The following PITPNM1 variants were observed in gnomAD, a reference collection of about 807,000 sequenced individuals.
PITPNM1 encodes the protein phosphatidylinositol transfer protein membrane associated 1.
PITPNM1 carries 74 observed loss-of-function variants against 133.3 expected under a neutral mutation model. That is an observed-to-expected ratio of 0.56 (90% CI 0.46 to 0.67). The LOEUF (loss-of-function observed/expected upper bound fraction) is 0.67. Among genes scored for constraint, PITPNM1 ranks in the 30% least tolerant of loss-of-function variants. PITPNM1 has a pLI of 0.00. For synonymous variants in PITPNM1, 738 were observed against 741.4 expected, an observed-to-expected ratio of 1.00 and a Z score of 0.08; for missense variants, 1,398 against 1,739.5, an observed-to-expected ratio of 0.80 and a Z score of 3.49.
chr11:67,504,038 G>A lies in PITPNM1; in HGVS notation c.78+65C>T. Reference sequence around the variant, plus strand: ...GCTCCCAGCCGGTCCCAGCCCCGGGGCAGGGCTGGCGGGGTCGGCAGGGCT... The same window carrying A: ...GCTCCCAGCCGGTCCCAGCCCCGGGACAGGGCTGGCGGGGTCGGCAGGGCT... On this transcript the variant is annotated intron_variant, in intron 2 of 23. Transcript: ENST00000356404. The surrounding 1 kb of genome is among the most constrained non-coding windows in gnomAD (Gnocchi z 5.4). 2 of 1,300,532 alleles carry A rather than the reference G, an allele frequency of 1.5e-6. No individual in the cohort carries two copies. Among genetic ancestry groups the A allele is most frequent in the African/African-American group, 1.5e-5 (1 of 67,786 alleles). The allele number at this position is 1,300,532 out of a possible 1,614,324, so 80.6% of individuals were successfully genotyped here. A position where few individuals can be genotyped will look rare whatever the true frequency, so the allele number is the denominator to read the frequency against.
In PITPNM1 at chr11:67,498,657, C is replaced by A; in HGVS notation, c.1423G>T (p.Val475Leu). ...RIHFPEALGHVALRLVPCPPI... is the reference protein window; with the variant it reads ...RIHFPEALGHLALRLVPCPPI... Reference sequence around the variant, plus strand: ...GGACAGGGCACCAGTCGCAGCGCCACGTGGCCCAAGGCCTCAGGGAAGTGG... The same window carrying A: ...GGACAGGGCACCAGTCGCAGCGCCAAGTGGCCCAAGGCCTCAGGGAAGTGG... The change falls in exon 10 of 24, where the codon GTG becomes TTG. Residue 475 changes from valine (V) to leucine (L), a missense_variant. By Grantham distance (32) the Val-to-Leu change is conservative (BLOSUM62 1). Around this residue, in one of 5 missense-constraint regions of PITPNM1, gnomAD observed 574 missense variants for 698.7 expected, o/e 0.82. Transcript: ENST00000356404. This position sits in a 1 kb window ranked among gnomAD's most constrained non-coding sequence, Gnocchi z 5.7. 6.2e-7 allele frequency: 1 copy of A among 1,600,800 alleles called. No individual in the cohort carries two copies. Among genetic ancestry groups the A allele is most frequent in the Non-Finnish European group, 8.5e-7 (1 of 1,179,920 alleles).
chr11:67,501,156 A>G (rs1866311049), intron 5 of PITPNM1, among the ~76,000 whole-genome samples: 1 of 152,250 alleles, frequency 6.6e-6, no homozygotes, highest in East Asian at 1.9e-4. Flanking sequence ...GTAATTAGCC[A>G]TGGGTCTGTG....
rs765533186 is a variant in PITPNM1, at chr11:67,497,685, T to G, written c.1783-6A>C. 6.2e-7 allele frequency: 1 copy of G among 1,609,106 alleles called. No individual in the cohort carries two copies. The highest frequency in any genetic ancestry group is 1.1e-5 in the South Asian group (1 of 90,632). ...GGAGAGAGCAGCTCATTGTTCTGGA[T>G]GGAACAGGAGACAGAAACATTCTTA... On this transcript the variant is annotated splice_region_variant and splice_polypyrimidine_tract_variant and intron_variant, in intron 12 of 23. Coordinates refer to ENST00000356404, the MANE Select transcript of PITPNM1 (RefSeq NM_004910.3).
intron 15 of PITPNM1, 71 bp from the exon 16 acceptor site, chr11:67,495,673 C>G (rs17847842): frequency 1.4e-6 from 2 of 1,389,826 alleles, no homozygotes; most frequent in African/African-American, 2.9e-5. Context: ...CAGGGCTCCC[C>G]GCACCTCTGC....
Position 67,493,534 on chromosome 11 carries a change from T to G in PITPNM1, c.3218A>C (p.Lys1073Thr). 1 of 1,583,546 alleles carries G rather than the reference T, an allele frequency of 6.3e-7. No homozygotes were observed. The highest frequency in any genetic ancestry group is 8.6e-7 in the Non-Finnish European group (1 of 1,165,090). ...CGACAGCCATGCCACCACGCGGTGCTTCTGCATATCCGGCCGGCCTGTGAC... is the reference window on the plus strand; with the variant it reads ...CGACAGCCATGCCACCACGCGGTGCGTCTGCATATCCGGCCGGCCTGTGAC... ...VYVTGRPDMQKHRVVAWLSQH... is the reference protein window; with the variant it reads ...VYVTGRPDMQTHRVVAWLSQH... Residue 1073 changes from lysine (K) to threonine (T), a missense_variant, in exon 22 of 24, where the codon AAG (lysine) becomes ACG (threonine). Transcript: ENST00000356404.
chr11:67,501,728 C>G, intron 5 of PITPNM1, 134 bp downstream of exon 5: 1 of 766,582 alleles, frequency 1.3e-6, no homozygotes, highest in East Asian at 2.7e-5. Context: ...CGCTTCTGCC[C>G]TAGTGCTCCC....
chr11:67,493,758 A>T lies in PITPNM1; in HGVS notation c.3088T>A (p.Ser1030Thr). 5.2e-6 allele frequency: 8 copies of T among 1,549,024 alleles called. No homozygotes were observed. The highest frequency in any genetic ancestry group is 7.0e-6 in the Non-Finnish European group (8 of 1,147,534). The part of the protein sequence containing the change: ...TEAVVFSIDG[S>T]FTASVSIMGS... ...ATGATGGAGACGCTGGCGGTGAAGG[A>T]GCCGTCGATGCTGAAGACCACAGCC... The change falls in exon 21 of 24, where the codon TCC (serine) becomes ACC (threonine). Residue 1030 changes from serine to threonine, a missense_variant. By Grantham distance (58) the Ser-to-Thr change is moderately conservative. Coordinates refer to ENST00000356404, the MANE Select transcript of PITPNM1 (RefSeq NM_004910.3).
At chr11:67,493,198 G>A in intron 22 of PITPNM1, 136 bp from the exon 23 acceptor site, 1 of 1,182,776 alleles carries the variant, frequency 8.5e-7, no homozygotes, top group Non-Finnish European at 1.2e-6. Flanking sequence ...AGTCCCACGG[G>A]GACAGGGGCG....
intron 2 of PITPNM1, among the ~76,000 whole-genome samples, chr11:67,503,085 T>C (rs945487812): frequency 6.6e-6 from 1 of 152,176 alleles, no homozygotes; most frequent in Non-Finnish European, 1.5e-5. Flanking sequence ...GCAAATTATG[T>C]GGTGTGTTAG....
chr11:67,501,820 G>T, intron 5 of PITPNM1, 42 bp downstream of exon 5: 1 of 1,546,166 alleles, frequency 6.5e-7, no homozygotes, highest in Non-Finnish European at 8.9e-7. Context: ...TGGGGTCTGG[G>T]GCATGCTGGG....
intron 18 of PITPNM1, 90 bp downstream of exon 18, chr11:67,494,756 G>GA: frequency 1.3e-6 from 1 of 771,834 alleles, no homozygotes; most frequent in Admixed American, 1.9e-5. Context: ...AGGACCCGAG[G>GA]AGGGGGGTGC....
rs200936467 is a variant in PITPNM1 at position 67,504,076 on chromosome 11, C to G, written c.78+27G>C. On this transcript the variant is annotated intron_variant, in intron 2 of 23. Coordinates refer to ENST00000356404, the MANE Select transcript of PITPNM1 (RefSeq NM_004910.3). This position sits in a 1 kb window ranked among gnomAD's most constrained non-coding sequence, Gnocchi z 5.4. The stretch of plus-strand genomic sequence containing the variant: ...GGTCGGCAGGGCTCCACCCCTTGCC[C>G]GGGTGCCCTCTCCCCGCCGCCCTCA... The G allele has an allele frequency of 8.9e-5, 139 of 1,560,954 alleles. No individual in the cohort carries two copies. In the African/African-American group the frequency reaches 1.6e-3, roughly 18 times the overall value.
At position 67,501,551 on chromosome 11, in the gene PITPNM1, C is replaced by T. The variant is rs116834593; in HGVS notation, c.640+311G>A. On this transcript the variant is annotated intron_variant, in intron 5 of 23. Transcript: ENST00000356404. ...TCCTTAGCATGCTGCCAGTTAGAGCCGGTGACCTTCCTGAGTGTCTCTAAG... is the reference window on the plus strand; with the variant it reads ...TCCTTAGCATGCTGCCAGTTAGAGCTGGTGACCTTCCTGAGTGTCTCTAAG... Among the ~76,000 whole-genome samples, 6 of 152,290 alleles carry T rather than the reference C, an allele frequency of 3.9e-5. No individual in the cohort carries two copies. In the East Asian group the frequency reaches 5.8e-4, roughly 15 times the overall value.
Position 67,498,728 on chromosome 11 carries a change from G to C in PITPNM1, c.1352C>G (p.Ala451Gly), listed in dbSNP as rs373983783. 6.2e-7 allele frequency: 1 copy of C among 1,609,824 alleles called. No homozygotes were observed. The highest frequency in any genetic ancestry group is 1.3e-5 in the African/African-American group (1 of 74,930). The change falls in exon 10 of 24, where the codon GCG (alanine) becomes GGG (glycine). Residue 451 changes from alanine to glycine, a missense_variant. Transcript: ENST00000356404. The surrounding 1 kb of genome is among the most constrained non-coding windows in gnomAD (Gnocchi z 5.7). ...GGCGGAGCTCAGCGTCTGCACATCC[G>C]CCTGCTTGGAGTTGGCGTCTCCAGG... ...SGPGDANSKQ[A>G]DVQTLSSAFE...
In PITPNM1 at chr11:67,498,848, TG is replaced by T; in HGVS notation, c.1234-3del. ...CAGCTCCCCGGCTCCATCCAGGCCC[TG>T]GGGGGAACAATGGGGTGCAGTGGGT... On this transcript the variant is annotated splice_region_variant and splice_polypyrimidine_tract_variant and intron_variant, in intron 9 of 23. Transcript: ENST00000356404. This position sits in a 1 kb window ranked among gnomAD's most constrained non-coding sequence, Gnocchi z 5.7. 4 of 1,609,366 alleles carry T rather than the reference TG, an allele frequency of 2.5e-6. No homozygotes were observed. The highest frequency in any genetic ancestry group is 1.1e-5 in the South Asian group (1 of 91,022).
At chr11:67,497,889 T>C (rs759714343) in intron 12 of PITPNM1, 28 bp downstream of exon 12, 45 of 1,601,326 alleles carry the variant, frequency 2.8e-5, no homozygotes, top group Non-Finnish European at 3.6e-5. Flanking sequence ...TTTCCGCTCC[T>C]GAGGAGGCCG....
chr11:67,495,748 A>C, intron 15 of PITPNM1, 146 bp from the exon 16 acceptor site: 3 of 777,520 alleles, frequency 3.9e-6, no homozygotes, highest in South Asian at 2.2e-5. Context: ...CTCTCCTCTC[A>C]GCCCAGTGGC....
chr11:67,504,816 C>T lies in PITPNM1; in HGVS notation c.-42+372G>A, dbSNP rs1866446767. The T allele has an allele frequency of 6.5e-6, 1 of 152,822 alleles. No homozygotes were observed. The highest frequency in any genetic ancestry group is 2.1e-4 in the South Asian group (1 of 4,854). 9.5% of individuals were successfully genotyped at this position (152,822 alleles called of 1,614,324 possible). A position where few individuals can be genotyped will look rare whatever the true frequency, so the allele number is the denominator to read the frequency against. ...TACCTTCCGGGACCGGTAATCTCCTCCGCCCTCCAGATCTGCCTTCTTGGG... is the reference window on the plus strand; with the variant it reads ...TACCTTCCGGGACCGGTAATCTCCTTCGCCCTCCAGATCTGCCTTCTTGGG... On this transcript the variant is annotated intron_variant, in intron 1 of 23. Coordinates refer to ENST00000356404, the MANE Select transcript of PITPNM1 (RefSeq NM_004910.3). The surrounding 1 kb of genome is among the most constrained non-coding windows in gnomAD (Gnocchi z 5.4).
At chr11:67,497,826 G>A (rs991269664) in intron 12 of PITPNM1, 91 bp downstream of exon 12, 13 of 1,470,300 alleles carry the variant, frequency 8.8e-6, no homozygotes, top group Admixed American at 1.8e-5. Context: ...GGGCCTGCCT[G>A]CTGGCAGAGG....
Sources: gnomAD v4.1 joint callset for allele counts (sites outside exome capture counted in the v4.1 genomes callset) on GRCh38, gnomAD v4.1.1 for gene constraint, gnomAD v4.1.1 regional missense constraint, Gnocchi (gnomAD v3.1) non-coding constraint, MANE v1.5 for transcripts, NCBI Gene and HGNC (gene_info 2026-07-23, HGNC 2026-07-21) for gene names.